Variants in CD300A observed in about 807,000 individuals in gnomAD.
CD300A encodes the protein CD300a molecule, also known as CMRF35-like molecule 8.
In CD300A, 22 loss-of-function variants were observed where a neutral mutation model predicts 33.6. The ratio of observed to expected loss-of-function variants is 0.66; its 90% CI spans 0.47 to 0.94. The LOEUF is 0.94. Among genes scored for constraint, CD300A ranks in the 40% least tolerant of loss-of-function variants. CD300A has a pLI of 0.00. For missense variants in CD300A, 326 were observed against 360.5 expected, an observed-to-expected ratio of 0.90 and a Z score of 0.77; for synonymous variants, 136 against 148.1, an observed-to-expected ratio of 0.92 and a Z score of 0.59.
rs942095933 is a variant in CD300A at position 74,477,900 on chromosome 17, C to T, written c.628+370C>T. 2.6e-5 allele frequency among the ~76,000 whole-genome samples: 4 copies of T among 152,224 alleles called. No homozygotes were observed. The East Asian group carries it at 7.7e-4, about 29-fold the overall frequency. On this transcript the variant is annotated intron_variant, in intron 4 of 6. Coordinates refer to ENST00000360141, the MANE Select transcript of CD300A (RefSeq NM_007261.4). ...GGAGGATTGCTTGATCCCAGGAATT[C>T]AAGACCAGCCTGCGCAACACAACAA...
At chr17:74,469,245 G>A (rs1905930699) in intron 1 of CD300A, among the ~76,000 whole-genome samples, 1 of 151,688 alleles carries the variant, frequency 6.6e-6, no homozygotes, top group African/African-American at 2.4e-5. Context: ...AAATCTAGCT[G>A]GGTGCAGTGG....
chr17:74,478,413 G>A (rs1906623415), intron 4 of CD300A, among the ~76,000 whole-genome samples: 1 of 152,226 alleles, frequency 6.6e-6, no homozygotes, highest in African/African-American at 2.4e-5. Context: ...GGGCACCCCA[G>A]GGGCCTCCAG....
chr17:74,473,390 C>A (rs926866616), intron 1 of CD300A, 146 bp from the exon 2 acceptor site: 1 of 721,238 alleles, frequency 1.4e-6, no homozygotes, highest in Non-Finnish European at 2.3e-6. Flanking sequence ...AGCCTCTCAT[C>A]CTCAGTCCCC....
At chr17:74,468,343 A>T (rs2144498478) in intron 1 of CD300A, among the ~76,000 whole-genome samples, 1 of 151,814 alleles carries the variant, frequency 6.6e-6, no homozygotes, top group East Asian at 1.9e-4. Context: ...CAACATTTTT[A>T]TTTTTTTGAG....
chr17:74,467,317 T>G (rs1039747105), intron 1 of CD300A, among the ~76,000 whole-genome samples: 10 of 152,000 alleles, frequency 6.6e-5, no homozygotes, highest in Non-Finnish European at 1.2e-4. Context: ...GGCTGGGGCC[T>G]GAGCAGGGGG....
At chr17:74,469,202 A>G (rs1186386621) in intron 1 of CD300A, among the ~76,000 whole-genome samples, 1 of 151,902 alleles carries the variant, frequency 6.6e-6, no homozygotes, top group Non-Finnish European at 1.5e-5. Flanking sequence ...GAATTTCTTA[A>G]TAACACTCAT....
At chr17:74,469,728 G>A (rs1162353841) in intron 1 of CD300A, among the ~76,000 whole-genome samples, 2 of 152,176 alleles carry the variant, frequency 1.3e-5, no homozygotes, top group African/African-American at 4.8e-5. Flanking sequence ...GGGAGGCTGA[G>A]ACATGAGAGT....
At chr17:74,482,613 G>A (rs563237639) in intron 6 of CD300A, among the ~76,000 whole-genome samples, 1 of 151,090 alleles carries the variant, frequency 6.6e-6, no homozygotes, top group Admixed American at 6.6e-5. Context: ...CCAACCTCCC[G>A]CCAGCTGTCT....
At chr17:74,477,595 A>G in intron 4 of CD300A, 65 bp downstream of exon 4, 1 of 1,038,308 alleles carries the variant, frequency 9.6e-7, no homozygotes, top group Non-Finnish European at 1.5e-6. Flanking sequence ...ACAGACGCTC[A>G]TCTTCAAAGC....
At chr17:74,466,544 T>C, upstream of CD300A, 1 of 807,136 alleles carries the variant, frequency 1.2e-6, no homozygotes, top group Admixed American at 2.6e-5. Context: ...CTTCCTGCAT[T>C]TTCTGACCGG....
chr17:74,466,606 G>A (rs182060493), upstream of CD300A: 2,888 of 1,364,842 alleles, frequency 2.1e-3, 18 homozygotes, highest in Middle Eastern at 4.7e-3. Flanking sequence ...GCGGCACCAA[G>A]AAAAGCAGAA....
At position 74,481,791 on chromosome 17, in the gene CD300A, G is replaced by A. The variant is rs552685249; in HGVS notation, c.732G>A (p.Lys244=). 135 of 1,613,070 alleles carry A rather than the reference G, an allele frequency of 8.4e-5. No homozygotes were observed. The highest frequency in any genetic ancestry group is 1.1e-4 in the Non-Finnish European group (124 of 1,179,824). The change falls in exon 6 of 7, where the codon AAG becomes AAA. Residue 244 remains lysine (K), a synonymous_variant. Transcript: ENST00000360141. The part of the protein sequence containing the change: ...LELLMWPLQE[K]PAPPREVEVE... ...TGCTGATGTGGCCTCTGCAGGAAAA[G>A]CCAGCACCACCAAGGGAGGTGGAGG...
At chr17:74,467,414 C>T (rs991085329) in intron 1 of CD300A, among the ~76,000 whole-genome samples, 10 of 151,778 alleles carry the variant, frequency 6.6e-5, no homozygotes, top group Non-Finnish European at 1.3e-4. Flanking sequence ...GGATATGGGA[C>T]AGAGGGGACA....
intron 6 of CD300A, among the ~76,000 whole-genome samples, chr17:74,482,608 C>T (rs1215129030): frequency 6.6e-6 from 1 of 151,202 alleles, no homozygotes; most frequent in African/African-American, 2.5e-5. Context: ...GTTCCCCAAC[C>T]TCCCGCCAGC....
intron 2 of CD300A, 101 bp downstream of exon 2, chr17:74,473,975 T>TGTGTGTGC: frequency 2.3e-6 from 3 of 1,327,528 alleles, no homozygotes; most frequent in African/African-American, 3.0e-5. Flanking sequence ...TGTGTGTGTG[T>TGTGTGTGC]GCGTAAGAGA....
intron 3 of CD300A, among the ~76,000 whole-genome samples, chr17:74,475,538 G>A (rs529941197): frequency 6.6e-6 from 1 of 152,098 alleles, no homozygotes; most frequent in Admixed American, 6.5e-5. Flanking sequence ...CCTTTTTCGG[G>A]TTCACCAACC....
chr17:74,469,864 C>G, intron 1 of CD300A: 2 of 679,058 alleles, frequency 2.9e-6, no homozygotes, highest in Non-Finnish European at 3.6e-6. Context: ...TTACCCCTTA[C>G]AAAAAAATCC....
At position 74,481,772 on chromosome 17, in the gene CD300A, T is replaced by C; in HGVS notation, c.713T>C (p.Met238Thr). The part of the protein sequence containing the change: ...ELHYANLELL[M>T]WPLQEKPAPP... ...CACTACGCAAATCTGGAGCTGCTGA[T>C]GTGGCCTCTGCAGGAAAAGCCAGCA... The change falls in exon 6 of 7, where the codon ATG becomes ACG. Residue 238 changes from methionine to threonine, a missense_variant. Physicochemically the swap from Met to Thr is moderately conservative, Grantham distance 81. Transcript: ENST00000360141. 1 of 1,613,064 alleles carries C rather than the reference T, an allele frequency of 6.2e-7. No individual in the cohort carries two copies. The highest frequency in any genetic ancestry group is 1.1e-5 in the South Asian group (1 of 90,802).
intron 6 of CD300A, 63 bp downstream of exon 6, chr17:74,481,896 A>T: frequency 1.6e-6 from 2 of 1,260,094 alleles, no homozygotes; most frequent in South Asian, 1.3e-5. Context: ...CACCCCTGGG[A>T]GGGTGGGCAG....
Sources: allele counts gnomAD v4.1 joint callset (sites outside exome capture counted in the v4.1 genomes callset), GRCh38; gene constraint gnomAD v4.1.1; transcripts MANE v1.5; gene names NCBI Gene and HGNC (gene_info 2026-07-23, HGNC 2026-07-21).